The following CLPX variants were observed in gnomAD, a reference collection of about 807,000 sequenced individuals.
CLPX encodes the protein ATP-dependent clpX-like chaperone, mitochondrial.
Under a neutral mutation model 76.4 loss-of-function variants are expected in CLPX, and 34 were observed. The ratio of observed to expected loss-of-function variants is 0.45; its 90% CI spans 0.34 to 0.59. The LOEUF (loss-of-function observed/expected upper bound fraction) is 0.59, where lower values mean the gene tolerates loss of function less well. Ranked by LOEUF, CLPX falls within the 20% of genes least tolerant of loss-of-function variation. The pLI is 0.01. For synonymous variants in CLPX, 248 were observed against 270.9 expected (o/e 0.92, Z 0.83); for missense variants, 613 against 757.0 (o/e 0.81, Z 2.23).
chr15:65,152,179 C>T (rs535925676), intron 13 of CLPX, among the ~76,000 whole-genome samples: 2 of 152,252 alleles, frequency 1.3e-5, no homozygotes, highest in South Asian at 2.1e-4. Context: ...CCGCCCACCT[C>T]GGCCTCCTGA....
At chr15:65,171,446 C>CAAA (rs749202474) in intron 3 of CLPX, among the ~76,000 whole-genome samples, 1 of 101,720 alleles carries the variant, frequency 9.8e-6, no homozygotes. Flanking sequence ...GACTCAGTCT[C>CAAA]AAAAAAAAAA....
At chr15:65,163,354 T>C (rs1353014276) in intron 5 of CLPX, among the ~76,000 whole-genome samples, 1 of 152,206 alleles carries the variant, frequency 6.6e-6, no homozygotes, top group Non-Finnish European at 1.5e-5. Flanking sequence ...AAATAAATTA[T>C]ACATTTAGTT....
rs556607338 is a variant in CLPX, at chr15:65,152,740, C to T, written c.1705-204G>A. Reference sequence around the variant, plus strand: ...TTGGGATTATAGCTGTGATTACAGGCGTAAGCCACCAAATCTGGCCAATTT... The same window carrying T: ...TTGGGATTATAGCTGTGATTACAGGTGTAAGCCACCAAATCTGGCCAATTT... On this transcript the variant is annotated intron_variant, in intron 12 of 13. Transcript: ENST00000300107. Among the ~76,000 whole-genome samples, 9 of 150,640 alleles carry T rather than the reference C, an allele frequency of 6.0e-5. No individual in the cohort carries two copies. The South Asian group carries it at 6.3e-4, about 11-fold the overall frequency.
chr15:65,172,088 C>T (rs2088016506), intron 3 of CLPX, among the ~76,000 whole-genome samples: 2 of 152,150 alleles, frequency 1.3e-5, no homozygotes, highest in South Asian at 2.1e-4. Context: ...CTCCGCCTCC[C>T]GAGTAGCTGG....
chr15:65,158,679 T>C lies in CLPX; in HGVS notation c.788A>G (p.Gln263Arg). Residue 263 changes from glutamine (Q) to arginine (R), a missense_variant, in exon 7 of 14, where the codon CAA (glutamine) becomes CGA (arginine). This residue lies in a region of CLPX where 450 missense variants were observed against 638.6 expected (regional missense o/e 0.70). Transcript: ENST00000300107. ...TCCTCGTTTTTCCTGAGGTATTTGT[T>C]GATTTACCTGTTGCTGCATTGATGC... is the stretch of plus-strand genomic sequence containing the variant. ...LGASMQQQVN[Q>R]QIPQEKRGGE... 1 of 1,613,970 alleles carries C rather than the reference T, an allele frequency of 6.2e-7. No homozygotes were observed. Among genetic ancestry groups the C allele is most frequent in the South Asian group, 1.1e-5 (1 of 91,060 alleles).
rs1466467372 is a variant in CLPX at position 65,149,236 on chromosome 15, T to C, written c.*1587A>G. The stretch of plus-strand genomic sequence containing the variant: ...GCTCATGCCCGTAATTCTAGCACTT[T>C]CAGAGGCCAAGGTGGCCGATTGCCT... On this transcript the variant is annotated 3_prime_UTR_variant, in exon 14 of 14. Coordinates refer to ENST00000300107, the MANE Select transcript of CLPX (RefSeq NM_006660.5). 2.5e-5 allele frequency: 4 copies of C among 157,140 alleles called. No individual in the cohort carries two copies. The highest frequency in any genetic ancestry group is 9.6e-5 in the African/African-American group (4 of 41,504). The allele number at this position is 157,140 out of a possible 1,614,324, so 9.7% of individuals were successfully genotyped here.
chr15:65,155,097 T>C lies in CLPX; in HGVS notation c.1312-16A>G, dbSNP rs757598939. 2.5e-6 allele frequency: 4 copies of C among 1,601,830 alleles called. No homozygotes were observed. Among genetic ancestry groups the C allele is most frequent in the Non-Finnish European group, 2.6e-6 (3 of 1,170,952 alleles). ...ATCCAAGATACTGCCAAAGAAATGA[T>C]GCATATTTATAATTAGTAGAATCAA... On this transcript the variant is annotated splice_polypyrimidine_tract_variant and intron_variant, in intron 10 of 13. Transcript: ENST00000300107.
At chr15:65,162,424 T>G (rs937245876) in intron 6 of CLPX, among the ~76,000 whole-genome samples, 180 bp downstream of exon 6, 2 of 152,204 alleles carry the variant, frequency 1.3e-5, no homozygotes, top group African/African-American at 4.8e-5. Context: ...AAATTAGCTA[T>G]GAAAAACTAT....
chr15:65,168,953 C>T (rs2087959205), intron 3 of CLPX, among the ~76,000 whole-genome samples: 2 of 150,622 alleles, frequency 1.3e-5, no homozygotes, highest in Non-Finnish European at 3.0e-5. Context: ...ACCTCCTAAG[C>T]TCAAGCAATC....
At chr15:65,183,485 A>C (rs1427308120) in intron 1 of CLPX, among the ~76,000 whole-genome samples, 76 of 150,690 alleles carry the variant, frequency 5.0e-4, no homozygotes, top group Non-Finnish European at 2.2e-4. Flanking sequence ...AAAAAAAAGA[A>C]AGAAAATAAG....
chr15:65,162,484 T>C, intron 6 of CLPX, 120 bp downstream of exon 6: 1 of 622,438 alleles, frequency 1.6e-6, no homozygotes, highest in Non-Finnish European at 2.8e-6. Context: ...ATAATACGTA[T>C]CTTTCTTGGT....
chr15:65,154,141 G>C (rs1252468689), intron 11 of CLPX, among the ~76,000 whole-genome samples: 1 of 152,184 alleles, frequency 6.6e-6, no homozygotes, highest in African/African-American at 2.4e-5. Context: ...ATATCTATTT[G>C]TTGGGCACTG....
chr15:65,153,069 T>G (rs1447968601), intron 12 of CLPX, among the ~76,000 whole-genome samples: 1 of 151,894 alleles, frequency 6.6e-6, no homozygotes, highest in African/African-American at 2.4e-5. Context: ...GTGTCATTAA[T>G]CATATTATGT....
rs1373973547 is a variant in CLPX, at chr15:65,180,026, A to G, written c.240+18T>C. 7 of 1,585,332 alleles carry G rather than the reference A, an allele frequency of 4.4e-6. No individual in the cohort carries two copies. The highest frequency in any genetic ancestry group is 1.4e-5 in the African/African-American group (1 of 73,896). Reference sequence around the variant, plus strand: ...GAACTCACAATGTGTACAGATGCCAATAAGATAAAATAATTACCTTATTTC... The same window carrying G: ...GAACTCACAATGTGTACAGATGCCAGTAAGATAAAATAATTACCTTATTTC... On this transcript the variant is annotated intron_variant, in intron 2 of 13. Coordinates refer to ENST00000300107, the MANE Select transcript of CLPX (RefSeq NM_006660.5).
intron 3 of CLPX, among the ~76,000 whole-genome samples, chr15:65,170,694 T>G (rs898505049): frequency 6.6e-6 from 1 of 151,878 alleles, no homozygotes; most frequent in Non-Finnish European, 1.5e-5. Flanking sequence ...GATGGTTACC[T>G]GGGAGGCGGA....
intron 3 of CLPX, among the ~76,000 whole-genome samples, chr15:65,174,818 G>A (rs1467723045): frequency 1.3e-5 from 2 of 152,116 alleles, no homozygotes; most frequent in Non-Finnish European, 2.9e-5. Context: ...GTGTTTGGTT[G>A]AATAAAAGCT....
rs2087763817 is a variant in CLPX at position 65,154,569 on chromosome 15, TATA to T, written c.1611+210_1611+212del. 8 of 509,446 alleles carry T rather than the reference TATA, an allele frequency of 1.6e-5. No homozygotes were observed. The Admixed American group carries it at 2.5e-4, about 16-fold the overall frequency. 31.6% of individuals were successfully genotyped at this position (509,446 alleles called of 1,614,324 possible). A position where few individuals can be genotyped will look rare whatever the true frequency, so the allele number is the denominator to read the frequency against. ...GCATTATTTTTCTTGGGCTTTAGGCTATAATGATGGTTTTAATTCAGAAAAAAT... is the reference window on the plus strand; with the variant it reads ...GCATTATTTTTCTTGGGCTTTAGGCTATGATGGTTTTAATTCAGAAAAAAT... On this transcript the variant is annotated intron_variant, in intron 11 of 13. Transcript: ENST00000300107.
At chr15:65,175,689 G>A (rs893924961) in intron 3 of CLPX, among the ~76,000 whole-genome samples, 37 of 152,138 alleles carry the variant, frequency 2.4e-4, no homozygotes, top group Non-Finnish European at 4.4e-4. Flanking sequence ...TCCTTTAAGC[G>A]TCATGACGCA....
intron 1 of CLPX, among the ~76,000 whole-genome samples, chr15:65,183,555 G>A (rs2088210823): frequency 6.7e-6 from 1 of 149,514 alleles, no homozygotes; most frequent in Non-Finnish European, 1.5e-5. Flanking sequence ...AAGACAGGAA[G>A]GAAGGAAAGG....
Sources: gnomAD v4.1 joint callset for allele counts (sites outside exome capture counted in the v4.1 genomes callset) on GRCh38, gnomAD v4.1.1 for gene constraint, gnomAD v4.1.1 regional missense constraint, MANE v1.5 for transcripts, NCBI Gene and HGNC (gene_info 2026-07-23, HGNC 2026-07-21) for gene names.